DTWD2: variants seen among roughly 807,000 people sequenced by gnomAD.
The protein encoded by DTWD2 is tRNA-uridine aminocarboxypropyltransferase 2.
DTWD2 carries 39 observed loss-of-function variants against 31.8 expected under a neutral mutation model. The observed-to-expected ratio is 1.22, with a 90% CI of 0.95 to 1.60. DTWD2 has a LOEUF of 1.60. DTWD2 is among the 40% of genes most tolerant of loss of function. The pLI, the probability that DTWD2 is intolerant of heterozygous loss-of-function variation, is 0.00. For synonymous variants in DTWD2, 180 were observed against 142.8 expected (o/e 1.26, Z -1.86); for missense variants, 515 against 381.5 (o/e 1.35, Z -2.92).
intron 4 of DTWD2, among the ~76,000 whole-genome samples, chr5:118,869,117 G>C (rs1444040422): frequency 6.6e-6 from 1 of 151,960 alleles, no homozygotes; most frequent in Non-Finnish European, 1.5e-5. Context: ...TGCGAAAATG[G>C]ATGGTGGTGG....
intron 1 of DTWD2, among the ~76,000 whole-genome samples, chr5:118,983,456 C>A (rs998297970): frequency 6.6e-6 from 1 of 152,262 alleles, no homozygotes; most frequent in East Asian, 1.9e-4. Context: ...GTTTGTGGCT[C>A]GTGCATTCTT....
In DTWD2 at chr5:118,944,610, C is replaced by T. The variant is rs138245103; in HGVS notation, c.258G>A (p.Ala86=). Residue 86 remains alanine (A), a synonymous_variant, in exon 2 of 6, where the codon GCG becomes GCA. Coordinates refer to ENST00000510708, the MANE Select transcript of DTWD2 (RefSeq NM_173666.4). ...QKVCLCPFLP[A]HPLHISTHLY... is the part of the protein sequence containing the mutation. ...AGTGGGTAGAGATATGCAGAGGGTG[C>T]GCTGGGAGAAATGGACACAAACACA... 9.1e-5 allele frequency: 147 copies of T among 1,612,888 alleles called. 1 individual carries two copies. In the Admixed American group the frequency reaches 1.8e-3, roughly 20 times the overall value.
intron 4 of DTWD2, among the ~76,000 whole-genome samples, chr5:118,900,279 C>A (rs751903855): frequency 5.3e-5 from 8 of 152,078 alleles, no homozygotes; most frequent in Non-Finnish European, 1.0e-4. Flanking sequence ...AGTGTTAATA[C>A]GAATAGTGTT....
At chr5:118,919,675 A>G (rs1014048843) in intron 4 of DTWD2, among the ~76,000 whole-genome samples, 8 of 152,220 alleles carry the variant, frequency 5.3e-5, no homozygotes, top group African/African-American at 1.9e-4. Context: ...AATTCCCAGG[A>G]AATGATTATA....
At chr5:118,842,822 C>T (rs1018615589) in intron 5 of DTWD2, among the ~76,000 whole-genome samples, 4 of 151,726 alleles carry the variant, frequency 2.6e-5, no homozygotes, top group Non-Finnish European at 4.4e-5. Context: ...TGGTGTGCAC[C>T]TGTGGTCCCA....
Position 118,988,529 on chromosome 5 carries a change from G to C in DTWD2, c.-18C>G. 1.3e-6 allele frequency: 2 copies of C among 1,505,568 alleles called. No homozygotes were observed. Among genetic ancestry groups the C allele is most frequent in the Non-Finnish European group, 1.8e-6 (2 of 1,130,122 alleles). 93.3% of individuals were successfully genotyped at this position (1,505,568 alleles called of 1,614,324 possible). A position where few individuals can be genotyped will look rare whatever the true frequency, so the allele number is the denominator to read the frequency against. The stretch of plus-strand genomic sequence containing the variant: ...GACTCCATGGCGGACACTCCGGTCA[G>C]GCCGTGGCATTGAAGCCCGGCTGCC... On this transcript the variant is annotated 5_prime_UTR_variant, in exon 1 of 6. Coordinates refer to ENST00000510708, the MANE Select transcript of DTWD2 (RefSeq NM_173666.4).
At chr5:118,844,804 G>A (rs1259369216) in intron 5 of DTWD2, among the ~76,000 whole-genome samples, 1 of 152,120 alleles carries the variant, frequency 6.6e-6, no homozygotes, top group Non-Finnish European at 1.5e-5. Flanking sequence ...TTTATTTTGA[G>A]GAACCCTGCC....
intron 4 of DTWD2, among the ~76,000 whole-genome samples, chr5:118,874,036 T>C (rs1752567471): frequency 6.6e-6 from 1 of 152,118 alleles, no homozygotes; most frequent in Non-Finnish European, 1.5e-5. Context: ...AAAGTCTGGG[T>C]GCAATACAAG....
chr5:118,852,934 G>A (rs1017325224), intron 4 of DTWD2, among the ~76,000 whole-genome samples: 2 of 152,064 alleles, frequency 1.3e-5, no homozygotes, highest in Non-Finnish European at 2.9e-5. Context: ...GCAGCTGGAC[G>A]CCATTATCCT....
At chr5:118,867,484 ACT>A (rs995554339) in intron 4 of DTWD2, among the ~76,000 whole-genome samples, 4 of 151,592 alleles carry the variant, frequency 2.6e-5, no homozygotes, top group African/African-American at 9.7e-5. Context: ...ATGATTAAAA[ACT>A]CTCTTGAGCC....
In DTWD2 at chr5:118,848,183, T is replaced by G. The variant is rs764576240; in HGVS notation, c.633A>C (p.Val211=). The G allele has an allele frequency of 5.6e-6, 9 of 1,606,234 alleles. No individual in the cohort carries two copies. The South Asian group carries it at 1.0e-4, about 18-fold the overall frequency. Residue 211 remains valine, a synonymous_variant, in exon 5 of 6, where the codon GTA becomes GTC. Transcript: ENST00000510708. ...QLKTSISSQY[V]IRMQPTNRCL... ...ATCTATTAGTCGGCTGCATCCGAATTACATACTGACTAGAAATGCTAGTTT... is the reference window on the plus strand; with the variant it reads ...ATCTATTAGTCGGCTGCATCCGAATGACATACTGACTAGAAATGCTAGTTT...
chr5:118,854,223 A>C (rs1290201874), intron 4 of DTWD2, among the ~76,000 whole-genome samples: 2 of 152,186 alleles, frequency 1.3e-5, no homozygotes, highest in African/African-American at 4.8e-5. Context: ...CTTTTGATCC[A>C]AATAAGAATT....
rs1439551457 is a variant in DTWD2, at chr5:118,863,830, T to C, written c.598-15612A>G. ...CCAAGTATATATAATAGTTCCTGTG[T>C]CCAAATTAGAAGACTAAGGCTCAAA... On this transcript the variant is annotated intron_variant, in intron 4 of 5. Coordinates refer to ENST00000510708, the MANE Select transcript of DTWD2 (RefSeq NM_173666.4). Among the ~76,000 whole-genome samples the C allele has an allele frequency of 4.6e-5, 7 of 152,002 alleles. No homozygotes were observed. The East Asian group carries it at 1.3e-3, about 29-fold the overall frequency.
chr5:118,930,497 G>T (rs746565640), intron 3 of DTWD2, among the ~76,000 whole-genome samples: 4 of 151,794 alleles, frequency 2.6e-5, no homozygotes, highest in Non-Finnish European at 4.4e-5. Flanking sequence ...TCTTAGATTC[G>T]TCAGAGAATT....
chr5:118,836,142 A>C lies in DTWD2; in HGVS notation c.*4775T>G, dbSNP rs1316302109. 1.3e-5 allele frequency among the ~76,000 whole-genome samples: 2 copies of C among 152,158 alleles called. No homozygotes were observed. The highest frequency in any genetic ancestry group is 2.4e-5 in the African/African-American group (1 of 41,434). Reference sequence around the variant, plus strand: ...ACAATAACAGTAAGACATATAGTAAAATTTCTTATTCGAATAATTTTTTTA... The same window carrying C: ...ACAATAACAGTAAGACATATAGTAACATTTCTTATTCGAATAATTTTTTTA... On this transcript the variant is annotated 3_prime_UTR_variant, in exon 6 of 6. Coordinates refer to ENST00000510708, the MANE Select transcript of DTWD2 (RefSeq NM_173666.4).
intron 4 of DTWD2, among the ~76,000 whole-genome samples, chr5:118,865,391 T>C (rs1351993955): frequency 6.6e-6 from 1 of 152,120 alleles, no homozygotes; most frequent in East Asian, 1.9e-4. Flanking sequence ...ATCTTTACTT[T>C]CCCTTCAGTT....
intron 4 of DTWD2, among the ~76,000 whole-genome samples, chr5:118,925,913 A>C (rs1284737975): frequency 6.6e-6 from 1 of 151,912 alleles, no homozygotes; most frequent in Non-Finnish European, 1.5e-5. Context: ...TATTTACCCA[A>C]AGGAAAATAA....
At chr5:118,986,688 A>G (rs1341182195) in intron 1 of DTWD2, among the ~76,000 whole-genome samples, 1 of 152,214 alleles carries the variant, frequency 6.6e-6, no homozygotes, top group African/African-American at 2.4e-5. Context: ...TTTATTGACA[A>G]CACCTAAATA....
chr5:118,935,364 C>T (rs930778133), intron 3 of DTWD2, among the ~76,000 whole-genome samples: 6 of 152,166 alleles, frequency 3.9e-5, no homozygotes, highest in Admixed American at 2.6e-4. Context: ...TCCTGAGGCC[C>T]GGACTTGCCA....
Sources: allele counts gnomAD v4.1 joint callset (sites outside exome capture counted in the v4.1 genomes callset), GRCh38; gene constraint gnomAD v4.1.1; transcripts MANE v1.5; gene names NCBI Gene and HGNC (gene_info 2026-07-23, HGNC 2026-07-21).